Variants in RAB5C observed in about 807,000 individuals in gnomAD.
RAB5C encodes ras-related protein Rab-5C.
In RAB5C, 4 loss-of-function variants were observed where a neutral mutation model predicts 25.2. The ratio of observed to expected loss-of-function variants is 0.16; its 90% CI spans 0.08 to 0.36. The LOEUF (loss-of-function observed/expected upper bound fraction) is 0.36, where lower values mean the gene tolerates loss of function less well. RAB5C is among the 10% of genes least tolerant of loss of function. The pLI is 1.00. For synonymous variants in RAB5C, 100 were observed against 106.4 expected (o/e 0.94, Z 0.37); for missense variants, 199 against 283.8 (o/e 0.70, Z 2.15).
chr17:42,128,780 C>A lies in RAB5C; in HGVS notation c.187G>T (p.Val63Phe). Residue 63 changes from valine to phenylalanine, a missense_variant, in exon 3 of 6, where the codon GTC (valine) becomes TTC (phenylalanine). Transcript: ENST00000346213. ...TIGAAFLTQT[V>F]CLDDTTVKFE... ...TTGACTGTTGTGTCATCCAGGCAGA[C>A]AGTCTGTGTGAGGAAGGCCGCTGTA... is the stretch of plus-strand genomic sequence containing the variant. The A allele has an allele frequency of 6.4e-7, 1 of 1,556,140 alleles. No homozygotes were observed. Among genetic ancestry groups the A allele is most frequent in the South Asian group, 1.2e-5 (1 of 81,622 alleles).
chr17:42,126,000 C>G (rs2054419212), intron 5 of RAB5C, 102 bp from the exon 6 acceptor site: 2 of 825,238 alleles, frequency 2.4e-6, no homozygotes, highest in Non-Finnish European at 3.9e-6. Flanking sequence ...AGTGGTAACT[C>G]ACATATTGAG....
chr17:42,138,740 G>C (rs1362116442), intron 1 of RAB5C, among the ~76,000 whole-genome samples: 1 of 152,196 alleles, frequency 6.6e-6, no homozygotes, highest in Admixed American at 6.5e-5. Context: ...ACCTGCAAAA[G>C]GGGCCAGTGT....
chr17:42,139,606 C>T (rs868630247), intron 1 of RAB5C, among the ~76,000 whole-genome samples: 2 of 152,178 alleles, frequency 1.3e-5, no homozygotes, highest in African/African-American at 2.4e-5. Context: ...ACTACATACG[C>T]GTGCCACCAC....
At chr17:42,152,864 C>T (rs1043540364) in intron 1 of RAB5C, among the ~76,000 whole-genome samples, 6 of 152,080 alleles carry the variant, frequency 3.9e-5, no homozygotes, top group Admixed American at 6.6e-5. Context: ...GAAGGCTGGT[C>T]GGCCTCATCC....
At chr17:42,131,286 T>C (rs2054482990) in intron 1 of RAB5C, among the ~76,000 whole-genome samples, 1 of 152,164 alleles carries the variant, frequency 6.6e-6, no homozygotes, top group South Asian at 2.1e-4. Flanking sequence ...CTGATCCTTC[T>C]TCCCTAGTTC....
intron 1 of RAB5C, among the ~76,000 whole-genome samples, chr17:42,146,078 A>G (rs1372550674): frequency 1.3e-5 from 2 of 151,964 alleles, no homozygotes; most frequent in East Asian, 3.9e-4. Context: ...AAGTGCTGGG[A>G]TTACAGGCGT....
chr17:42,138,965 G>A (rs768965859), intron 1 of RAB5C, among the ~76,000 whole-genome samples: 2 of 152,198 alleles, frequency 1.3e-5, no homozygotes, highest in Non-Finnish European at 2.9e-5. Flanking sequence ...CAGACCCTTA[G>A]CTTTCCAGGA....
At chr17:42,144,603 G>T (rs2079621066) in intron 1 of RAB5C, among the ~76,000 whole-genome samples, 1 of 152,094 alleles carries the variant, frequency 6.6e-6, no homozygotes, top group Admixed American at 6.5e-5. Flanking sequence ...CACGAGGTCA[G>T]GAACTTGAGA....
intron 1 of RAB5C, among the ~76,000 whole-genome samples, chr17:42,142,347 T>C (rs1325042621): frequency 6.6e-6 from 1 of 152,032 alleles, no homozygotes; most frequent in Non-Finnish European, 1.5e-5. Flanking sequence ...CAAAGCATCT[T>C]AAAGCCCAAA....
At chr17:42,146,712 GCACTC>G (rs2079637254) in intron 1 of RAB5C, among the ~76,000 whole-genome samples, 1 of 150,732 alleles carries the variant, frequency 6.6e-6, no homozygotes, top group Non-Finnish European at 1.5e-5. Context: ...TGGCATCACT[GCACTC>G]CAGCCTGGGA....
chr17:42,141,748 G>C (rs1248672152), intron 1 of RAB5C, among the ~76,000 whole-genome samples: 2 of 152,148 alleles, frequency 1.3e-5, no homozygotes, highest in Admixed American at 1.3e-4. Flanking sequence ...GTAAAATGGA[G>C]AGACCAGTAC....
At chr17:42,131,242 C>T (rs1453510780) in intron 1 of RAB5C, among the ~76,000 whole-genome samples, 1 of 152,200 alleles carries the variant, frequency 6.6e-6, no homozygotes, top group Admixed American at 6.5e-5. Context: ...TGCCTCTGTG[C>T]ACCAGAATCA....
At chr17:42,146,409 T>TA (rs1370934596) in intron 1 of RAB5C, among the ~76,000 whole-genome samples, 1 of 152,170 alleles carries the variant, frequency 6.6e-6, no homozygotes, top group Non-Finnish European at 1.5e-5. Context: ...TCTGAAAGAA[T>TA]AAGTTTATTA....
chr17:42,151,726 A>C (rs1432116882), intron 1 of RAB5C, among the ~76,000 whole-genome samples: 1 of 152,194 alleles, frequency 6.6e-6, no homozygotes, highest in African/African-American at 2.4e-5. Flanking sequence ...AGAAAAATTA[A>C]TGACATGTAG....
rs548087135 is a variant in RAB5C, at chr17:42,125,531, T to G, written c.*252A>C. 4.8e-6 allele frequency: 2 copies of G among 417,880 alleles called. No homozygotes were observed. The highest frequency in any genetic ancestry group is 8.7e-6 in the Non-Finnish European group (2 of 230,836). 25.9% of individuals were successfully genotyped at this position (417,880 alleles called of 1,614,324 possible). A position where few individuals can be genotyped will look rare whatever the true frequency, so the allele number is the denominator to read the frequency against. On this transcript the variant is annotated 3_prime_UTR_variant, in exon 6 of 6. Coordinates refer to ENST00000346213, the MANE Select transcript of RAB5C (RefSeq NM_004583.4). ...GGAGAGCAGTAGAAAGGGGAGGAAG[T>G]GGGAAGAGCAGAAGATCATATATAT...
rs192200858 is a variant in RAB5C at position 42,144,319 on chromosome 17, T to C, written c.-89+10574A>G. Among the ~76,000 whole-genome samples the C allele has an allele frequency of 1.5e-3, 230 of 151,498 alleles. 1 individual carries two copies. Among genetic ancestry groups the C allele is most frequent in the African/African-American group, 5.2e-3 (216 of 41,346 alleles). ...TAATAATACAAAAATTAGCCGGGCA[T>C]GGTGGCATGTGCCTGTAATCCCAGC... is the stretch of plus-strand genomic sequence containing the variant. On this transcript the variant is annotated intron_variant, in intron 1 of 5. Coordinates refer to ENST00000346213, the MANE Select transcript of RAB5C (RefSeq NM_004583.4).
chr17:42,140,499 ATATATATATATATATATTTTTT>A (rs1188472891), intron 1 of RAB5C, among the ~76,000 whole-genome samples: 3 of 41,520 alleles, frequency 7.2e-5, no homozygotes, highest in African/African-American at 6.8e-4. Context: ...ATATATATAT[ATATATATATATATATATTTTTT>A]TTTTTTTTTT....
At chr17:42,134,285 T>G (rs976913797) in intron 1 of RAB5C, among the ~76,000 whole-genome samples, 1 of 152,212 alleles carries the variant, frequency 6.6e-6, no homozygotes, top group African/African-American at 2.4e-5. Flanking sequence ...TCTTTCTTTT[T>G]GAACCCCTGG....
chr17:42,135,406 C>A (rs1461854384), intron 1 of RAB5C, among the ~76,000 whole-genome samples: 1 of 152,022 alleles, frequency 6.6e-6, no homozygotes, highest in Non-Finnish European at 1.5e-5. Flanking sequence ...TCACCAGAAT[C>A]ACCCAGGGCC....
Sources: allele counts gnomAD v4.1 joint callset (sites outside exome capture counted in the v4.1 genomes callset), GRCh38; gene constraint gnomAD v4.1.1; transcripts MANE v1.5; gene names NCBI Gene and HGNC (gene_info 2026-07-23, HGNC 2026-07-21).